The following CCDC33 variants were observed in gnomAD, a reference collection of about 807,000 sequenced individuals.
CCDC33 encodes the protein coiled-coil domain-containing protein 33.
CCDC33 carries 94 observed loss-of-function variants against 91.9 expected under a neutral mutation model. The ratio of observed to expected loss-of-function variants is 1.02; its 90% CI spans 0.87 to 1.21. The LOEUF (loss-of-function observed/expected upper bound fraction) is 1.21. Ranked by LOEUF, CCDC33 falls within the 50% of genes most tolerant of loss-of-function variation. The probability of loss-of-function intolerance (pLI) is 0.00; values close to 1 mark genes in which losing one functional copy is unlikely to be tolerated. For synonymous variants in CCDC33, 396 were observed against 374.5 expected (o/e 1.06, Z -0.66); for missense variants, 940 against 935.5 (o/e 1.00, Z -0.06).
intron 1 of CCDC33, among the ~76,000 whole-genome samples, chr15:74,207,005 A>G (rs865814745): frequency 9.2e-5 from 14 of 152,364 alleles, no homozygotes; most frequent in African/African-American, 1.2e-4. Context: ...AGTGAAGGCC[A>G]TCTGCCATTT....
intron 10 of CCDC33, among the ~76,000 whole-genome samples, chr15:74,288,360 T>C (rs74023467): frequency 0.18 from 27,343 of 152,204 alleles, 3,159 homozygotes; most frequent in African/African-American, 0.32. Flanking sequence ...TTCTGATTCT[T>C]GTCCTGCTGA....
upstream of CCDC33, among the ~76,000 whole-genome samples, chr15:74,214,409 A>T (rs2074394868): frequency 6.6e-6 from 1 of 152,100 alleles, no homozygotes; most frequent in Non-Finnish European, 1.5e-5. Context: ...CCCTCTGGGG[A>T]ACCAGGCCCT....
At chr15:74,241,451 G>A (rs1001732879) in intron 1 of CCDC33, among the ~76,000 whole-genome samples, 1 of 152,212 alleles carries the variant, frequency 6.6e-6, no homozygotes, top group Non-Finnish European at 1.5e-5. Flanking sequence ...AGCTTGGTAG[G>A]TGTGAGAAAC....
intron 1 of CCDC33, chr15:74,208,064 A>G: frequency 7.9e-7 from 1 of 1,272,180 alleles, no homozygotes; most frequent in South Asian, 1.7e-5. Flanking sequence ...TAAAGGATTT[A>G]GACCAGGCTG....
rs372638 is a variant in CCDC33, at chr15:74,283,820, C to A, written c.1095+1971C>A. Among the ~76,000 whole-genome samples the A allele has an allele frequency of 8.5e-3, 1,264 of 148,314 alleles. 18 individuals are homozygous for A. Among genetic ancestry groups the A allele is most frequent in the African/African-American group, 0.028 (1,134 of 40,536 alleles). ...CACACACACACACACACACACACAC[C>A]CCCTCTACATATACACTCTCAATCA... On this transcript the variant is annotated intron_variant, in intron 10 of 18. Transcript: ENST00000398814.
chr15:74,305,744 T>C (rs562695743), intron 11 of CCDC33, among the ~76,000 whole-genome samples: 36 of 152,358 alleles, frequency 2.4e-4, no homozygotes, highest in African/African-American at 8.7e-4. Flanking sequence ...CATTCATTTG[T>C]TCGACCAGGG....
At chr15:74,242,651 G>A (rs11858677) in intron 1 of CCDC33, among the ~76,000 whole-genome samples, 41,706 of 151,932 alleles carry the variant, frequency 0.27, 6,187 homozygotes, top group East Asian at 0.54. Flanking sequence ...CTCCTACCAC[G>A]GGAGGCCTAT....
At chr15:74,318,369 C>T (rs2060135728) in intron 11 of CCDC33, among the ~76,000 whole-genome samples, 1 of 152,082 alleles carries the variant, frequency 6.6e-6, no homozygotes, top group African/African-American at 2.4e-5. Context: ...CCACAGCCCT[C>T]CCCGGCCCTG....
intron 10 of CCDC33, among the ~76,000 whole-genome samples, chr15:74,292,088 T>G (rs573130449): frequency 1.3e-5 from 2 of 152,360 alleles, no homozygotes; most frequent in South Asian, 4.1e-4. Flanking sequence ...CAGGGGCCAC[T>G]TGTCAGCCCC....
intron 2 of CCDC33, among the ~76,000 whole-genome samples, chr15:74,224,368 G>A (rs1475568290): frequency 1.9e-4 from 29 of 152,334 alleles, no homozygotes; most frequent in Non-Finnish European, 1.3e-4. Context: ...GAGGTCCTGG[G>A]CAGCATGGAC....
In CCDC33 at chr15:74,244,764, A is replaced by G. The variant is rs2075465289; in HGVS notation, c.185+616A>G. On this transcript the variant is annotated intron_variant, in intron 2 of 18. Transcript: ENST00000398814. The surrounding 1 kb of genome is among the most constrained non-coding windows in gnomAD (Gnocchi z 4.2). ...GTCTCACTTCTTCCAGAAAGGCGCC[A>G]AGGGGCAACACAATCTCCATCCAGC... Among the ~76,000 whole-genome samples the G allele has an allele frequency of 6.6e-6, 1 of 152,310 alleles. No individual in the cohort carries two copies. The highest frequency in any genetic ancestry group is 1.9e-4 in the East Asian group (1 of 5,178).
At chr15:74,281,943 C>A in intron 10 of CCDC33, 94 bp downstream of exon 10, 1 of 1,102,442 alleles carries the variant, frequency 9.1e-7, no homozygotes, top group Non-Finnish European at 1.4e-6. Context: ...TCAGGGACTT[C>A]TGGGAGGATG....
chr15:74,282,939 A>ACT (rs2059396847), intron 10 of CCDC33, among the ~76,000 whole-genome samples: 1 of 152,190 alleles, frequency 6.6e-6, no homozygotes, highest in Non-Finnish European at 1.5e-5. Context: ...GCAGGGACTA[A>ACT]TGTCCGCGCC....
intron 1 of CCDC33, among the ~76,000 whole-genome samples, chr15:74,205,051 G>A (rs1238328761): frequency 3.9e-5 from 6 of 152,220 alleles, no homozygotes; most frequent in African/African-American, 1.4e-4. Flanking sequence ...TGCACCAAAT[G>A]GAACCTGATG....
chr15:74,284,499 G>A (rs2059433508), intron 10 of CCDC33, among the ~76,000 whole-genome samples: 2 of 152,050 alleles, frequency 1.3e-5, no homozygotes, highest in Non-Finnish European at 2.9e-5. Context: ...TACCATCATT[G>A]TTCTCTATGC....
intron 14 of CCDC33, 32 bp downstream of exon 14, chr15:74,331,144 A>G (rs748180916): frequency 3.7e-6 from 6 of 1,613,542 alleles, no homozygotes; most frequent in South Asian, 2.2e-5. Context: ...CCCGAGGCCA[A>G]CTGATGATGG....
chr15:74,306,987 C>G (rs1338012795), intron 11 of CCDC33, among the ~76,000 whole-genome samples: 1 of 152,144 alleles, frequency 6.6e-6, no homozygotes, highest in Non-Finnish European at 1.5e-5. Flanking sequence ...TTTCCTCTTT[C>G]ATCCCAGCAA....
rs748967259 is a variant in CCDC33 at position 74,316,278 on chromosome 15, C to T, written c.1291-13911C>T. On this transcript the variant is annotated intron_variant, in intron 11 of 18. Coordinates refer to ENST00000398814, the MANE Select transcript of CCDC33 (RefSeq NM_025055.5). The surrounding 1 kb of genome is among the most constrained non-coding windows in gnomAD (Gnocchi z 4.7). The stretch of plus-strand genomic sequence containing the variant: ...GTCCGGTGATGGGTCCCTGAGGGTC[C>T]GCTGGGGCGCCCCTCCAGCCTCCCG... Among the ~76,000 whole-genome samples the T allele has an allele frequency of 1.8e-4, 27 of 152,294 alleles. 1 individual carries two copies. Among genetic ancestry groups the T allele is most frequent in the South Asian group, 2.1e-4 (1 of 4,826 alleles).
At chr15:74,255,347 T>C (rs1010474585) in intron 2 of CCDC33, among the ~76,000 whole-genome samples, 1 of 152,218 alleles carries the variant, frequency 6.6e-6, no homozygotes, top group East Asian at 1.9e-4. Flanking sequence ...CCACGACTGG[T>C]GAGCCTGAAC....
Sources: allele counts gnomAD v4.1 joint callset (sites outside exome capture counted in the v4.1 genomes callset), GRCh38; gene constraint gnomAD v4.1.1; non-coding constraint Gnocchi (gnomAD v3.1); transcripts MANE v1.5; gene names NCBI Gene and HGNC (gene_info 2026-07-23, HGNC 2026-07-21).